Variants in THSD7B observed in about 807,000 individuals in gnomAD.
THSD7B encodes thrombospondin type 1 domain containing 7B, also known as thrombospondin type-1 domain-containing protein 7B.
THSD7B carries 138 observed loss-of-function variants against 213.6 expected under a neutral mutation model. The observed-to-expected ratio is 0.65, with a 90% CI of 0.56 to 0.74. The LOEUF (loss-of-function observed/expected upper bound fraction) is 0.74, where lower values mean the gene tolerates loss of function less well. Ranked by LOEUF, THSD7B falls within the 30% of genes least tolerant of loss-of-function variation. The pLI is 0.00. For missense variants in THSD7B, 1,931 were observed against 1,991.5 expected, an observed-to-expected ratio of 0.97 and a Z score of 0.58; for synonymous variants, 742 against 687.0, an observed-to-expected ratio of 1.08 and a Z score of -1.25.
chr2:137,219,988 G>T (rs1681331961), intron 7 of THSD7B, among the ~76,000 whole-genome samples: 1 of 152,034 alleles, frequency 6.6e-6, no homozygotes, highest in Non-Finnish European at 1.5e-5. Context: ...AACTAGTGTT[G>T]GTGTTGTATA....
intron 12 of THSD7B, among the ~76,000 whole-genome samples, chr2:137,403,597 T>TA (rs1405605405): frequency 1.3e-5 from 2 of 152,160 alleles, no homozygotes; most frequent in African/African-American, 4.8e-5. Flanking sequence ...TCATGCCAAA[T>TA]ATGGGTAGTC....
intron 7 of THSD7B, among the ~76,000 whole-genome samples, chr2:137,210,966 A>C (rs933206948): frequency 1.3e-5 from 2 of 152,048 alleles, no homozygotes; most frequent in African/African-American, 4.8e-5. Flanking sequence ...AAATGTATTC[A>C]TAATAGAGCT....
chr2:137,370,524 A>C (rs565200517), intron 12 of THSD7B, among the ~76,000 whole-genome samples: 1 of 152,316 alleles, frequency 6.6e-6, no homozygotes, highest in East Asian at 1.9e-4. Context: ...TCTGGAATGC[A>C]GTGGCACAAT....
At position 137,602,279 on chromosome 2, in the gene THSD7B, A is replaced by AT. The variant is rs1222369724; in HGVS notation, c.3424-13894dup. Among the ~76,000 whole-genome samples, 9 of 151,246 alleles carry AT rather than the reference A, an allele frequency of 6.0e-5. No individual in the cohort carries two copies. The East Asian group carries it at 7.8e-4, about 13-fold the overall frequency. On this transcript the variant is annotated intron_variant, in intron 17 of 27. Coordinates refer to ENST00000409968, the MANE Select transcript of THSD7B (RefSeq NM_001316349.2). ...TTTTTGTTTTTGTTTTTGTTTTTGTATTATTTTTTAAGATGGAGTCTTGCT... is the reference window on the plus strand; with the variant it reads ...TTTTTGTTTTTGTTTTTGTTTTTGTATTTATTTTTTAAGATGGAGTCTTGCT...
At chr2:136,928,770 CAG>C (rs1219604018) in intron 2 of THSD7B, among the ~76,000 whole-genome samples, 1 of 152,010 alleles carries the variant, frequency 6.6e-6, no homozygotes, top group Non-Finnish European at 1.5e-5. Flanking sequence ...ATTATAATTA[CAG>C]AGTTTTAGGA....
intron 21 of THSD7B, among the ~76,000 whole-genome samples, chr2:137,644,227 G>A (rs1049607418): frequency 7.2e-5 from 11 of 152,116 alleles, no homozygotes; most frequent in African/African-American, 2.2e-4. Flanking sequence ...AGTCCCGTTC[G>A]CTGACACTTC....
chr2:137,027,483 C>T (rs1215803082), intron 2 of THSD7B, among the ~76,000 whole-genome samples: 4 of 152,180 alleles, frequency 2.6e-5, no homozygotes, highest in Non-Finnish European at 4.4e-5. Flanking sequence ...TACTCACATT[C>T]TGTTGGCAAA....
intron 12 of THSD7B, among the ~76,000 whole-genome samples, chr2:137,301,103 C>T (rs1683590260): frequency 1.3e-5 from 2 of 152,048 alleles, no homozygotes; most frequent in African/African-American, 2.4e-5. Context: ...AACCTGCCTC[C>T]CACTGGCTCT....
chr2:136,822,423 C>T (rs190779726), intron 1 of THSD7B, among the ~76,000 whole-genome samples: 58 of 152,280 alleles, frequency 3.8e-4, no homozygotes, highest in South Asian at 1.5e-3. Flanking sequence ...TTGGCAACAA[C>T]TAATTGTCCT....
intron 15 of THSD7B, among the ~76,000 whole-genome samples, chr2:137,493,737 T>C (rs2105125859): frequency 6.6e-6 from 1 of 152,210 alleles, no homozygotes; most frequent in Middle Eastern, 3.4e-3. Flanking sequence ...AGCAACATAA[T>C]GTAAATGTGT....
At chr2:137,380,025 C>T (rs910754850) in intron 12 of THSD7B, among the ~76,000 whole-genome samples, 5 of 152,154 alleles carry the variant, frequency 3.3e-5, no homozygotes, top group Admixed American at 3.3e-4. Flanking sequence ...TAGTTCTTTG[C>T]TCTTAAGCTT....
intron 15 of THSD7B, among the ~76,000 whole-genome samples, chr2:137,458,567 C>T (rs888108545): frequency 6.6e-6 from 1 of 152,154 alleles, no homozygotes; most frequent in Admixed American, 6.5e-5. Flanking sequence ...TGGCACCCAT[C>T]AAGCGGAAAG....
intron 5 of THSD7B, among the ~76,000 whole-genome samples, chr2:137,148,573 G>T (rs1364285349): frequency 6.6e-6 from 1 of 152,156 alleles, no homozygotes; most frequent in Non-Finnish European, 1.5e-5. Context: ...GAGACTTGTT[G>T]AATGGCTTTG....
chr2:137,231,189 T>C lies in THSD7B; in HGVS notation c.1869T>C (p.Asp623=). 6 of 1,613,136 alleles carry C rather than the reference T, an allele frequency of 3.7e-6. No homozygotes were observed. Among genetic ancestry groups the C allele is most frequent in the Non-Finnish European group, 5.1e-6 (6 of 1,179,508 alleles). ...CSQSCSNKNS[D]GKQTRSRTIL... ...AGTCCTGTTCAAATAAAAACTCAGA[T>C]GGGAAACAGACCAGGTCAAGAACTA... The change falls in exon 8 of 28, where the codon GAT becomes GAC. Residue 623 remains aspartate, a synonymous_variant. Transcript: ENST00000409968.
intron 12 of THSD7B, among the ~76,000 whole-genome samples, chr2:137,361,592 G>A (rs574608971): frequency 2.0e-4 from 31 of 152,278 alleles, no homozygotes; most frequent in African/African-American, 5.8e-4. Context: ...GCATGCACAA[G>A]CTTCAGTAGC....
chr2:137,561,567 T>C (rs1681119271), intron 15 of THSD7B, among the ~76,000 whole-genome samples: 1 of 152,174 alleles, frequency 6.6e-6, no homozygotes, highest in African/African-American at 2.4e-5. Context: ...GTTCAGATGA[T>C]GAAAACATAA....
chr2:137,399,065 G>T (rs1202577907), intron 12 of THSD7B, among the ~76,000 whole-genome samples: 3 of 151,990 alleles, frequency 2.0e-5, no homozygotes, highest in Non-Finnish European at 4.4e-5. Flanking sequence ...CCCACTGTCT[G>T]GCACTCCCTA....
chr2:137,428,304 G>T (rs536771064), intron 14 of THSD7B, among the ~76,000 whole-genome samples: 1 of 152,264 alleles, frequency 6.6e-6, no homozygotes, highest in South Asian at 2.1e-4. Flanking sequence ...ATGAAAACAG[G>T]TGTTGGTGAG....
At chr2:136,973,663 G>A (rs539000750) in intron 2 of THSD7B, among the ~76,000 whole-genome samples, 2 of 152,246 alleles carry the variant, frequency 1.3e-5, no homozygotes, top group African/African-American at 4.8e-5. Context: ...GCCATCTGTA[G>A]CAAGCTGTTG....
Sources: gnomAD v4.1 joint callset for allele counts (sites outside exome capture counted in the v4.1 genomes callset) on GRCh38, gnomAD v4.1.1 for gene constraint, MANE v1.5 for transcripts, NCBI Gene and HGNC (gene_info 2026-07-23, HGNC 2026-07-21) for gene names.